The following EHD4 variants were observed in gnomAD, a reference collection of about 807,000 sequenced individuals.
The protein encoded by EHD4 is EH domain-containing protein 4.
A neutral mutation model predicts 51.0 loss-of-function variants in EHD4; 37 were observed. The ratio of observed to expected loss-of-function variants is 0.73; its 90% CI spans 0.56 to 0.95. EHD4 has a LOEUF of 0.95. EHD4 is among the 40% of genes least tolerant of loss of function. EHD4 has a pLI of 0.00. For missense variants in EHD4, 632 were observed against 733.1 expected (o/e 0.86, Z 1.59); for synonymous variants, 297 against 317.3 (o/e 0.94, Z 0.68).
At chr15:41,904,937 C>T (rs142883833) in intron 5 of EHD4, among the ~76,000 whole-genome samples, 2 of 152,266 alleles carry the variant, frequency 1.3e-5, no homozygotes, top group Admixed American at 6.5e-5. Flanking sequence ...AGAATACACT[C>T]TCCTCTCACT....
intron 2 of EHD4, among the ~76,000 whole-genome samples, chr15:41,951,697 G>C (rs1028188868): frequency 6.6e-6 from 1 of 152,148 alleles, no homozygotes; most frequent in Non-Finnish European, 1.5e-5. Context: ...GACAGATCCT[G>C]TGCCTTGAAC....
intron 3 of EHD4, among the ~76,000 whole-genome samples, chr15:41,930,125 T>G (rs1229141551): frequency 3.9e-5 from 6 of 152,204 alleles, no homozygotes; most frequent in African/African-American, 9.7e-5. Context: ...AACTCTATAC[T>G]GAAAGAAACT....
At chr15:41,958,251 C>G (rs572345392) in intron 1 of EHD4, among the ~76,000 whole-genome samples, 1 of 151,970 alleles carries the variant, frequency 6.6e-6, no homozygotes, top group Non-Finnish European at 1.5e-5. Flanking sequence ...GAGAGGCCTG[C>G]CAATTCCAGC....
chr15:41,924,080 G>A (rs183287860), intron 3 of EHD4, among the ~76,000 whole-genome samples: 20 of 152,272 alleles, frequency 1.3e-4, no homozygotes, highest in East Asian at 5.8e-4. Flanking sequence ...TATCCATAAG[G>A]CATTGAGACT....
intron 3 of EHD4, chr15:41,941,832 CG>C (rs2067773657): frequency 6.6e-6 from 1 of 152,164 alleles, no homozygotes; most frequent in Non-Finnish European, 1.5e-5. Context: ...ACCCCTGTCA[CG>C]GGACCCTCAC....
chr15:41,952,277 T>C (rs1249345529), intron 2 of EHD4, among the ~76,000 whole-genome samples: 1 of 152,120 alleles, frequency 6.6e-6, no homozygotes, highest in African/African-American at 2.4e-5. Flanking sequence ...TTTTAAAAAC[T>C]TCTAGAAAGG....
chr15:41,906,141 C>T (rs1210577806), intron 5 of EHD4, among the ~76,000 whole-genome samples: 2 of 152,232 alleles, frequency 1.3e-5, no homozygotes, highest in Non-Finnish European at 2.9e-5. Flanking sequence ...AATCCATGGA[C>T]TGGATTGAGA....
chr15:41,954,435 T>C (rs2067873375), intron 1 of EHD4, among the ~76,000 whole-genome samples: 1 of 152,254 alleles, frequency 6.6e-6, no homozygotes, highest in Admixed American at 6.5e-5. Flanking sequence ...CAACTAACAA[T>C]CTATTTGGTC....
chr15:41,959,450 G>C (rs2067910621), intron 1 of EHD4, among the ~76,000 whole-genome samples: 1 of 145,426 alleles, frequency 6.9e-6, no homozygotes, highest in Admixed American at 6.9e-5. Context: ...TGATAAACGA[G>C]ATCTTAAAAT....
intron 2 of EHD4, among the ~76,000 whole-genome samples, chr15:41,952,464 T>C (rs1397348705): frequency 2.0e-5 from 3 of 151,836 alleles, no homozygotes; most frequent in African/African-American, 7.3e-5. Flanking sequence ...AAAAAAGCAT[T>C]ACACAAACGC....
At position 41,925,109 on chromosome 15, in the gene EHD4, T is replaced by C. The variant is rs544785848; in HGVS notation, c.512-5487A>G. The stretch of plus-strand genomic sequence containing the variant: ...AATCATATGTTATACTTCAACAAAA[T>C]TGACTTAAAAAGCAAAAGTAAATAG... On this transcript the variant is annotated intron_variant, in intron 3 of 5. Transcript: ENST00000220325. Among the ~76,000 whole-genome samples, 17 of 150,112 alleles carry C rather than the reference T, an allele frequency of 1.1e-4. No individual in the cohort carries two copies. The South Asian group carries it at 3.6e-3, about 32-fold the overall frequency.
At chr15:41,923,583 G>A (rs1392504440) in intron 3 of EHD4, among the ~76,000 whole-genome samples, 1 of 152,198 alleles carries the variant, frequency 6.6e-6, no homozygotes, top group African/African-American at 2.4e-5. Context: ...CCCTGGGGCT[G>A]AGCCTGGGGA....
Position 41,964,978 on chromosome 15 carries a change from C to A in EHD4, c.236+7281G>T, listed in dbSNP as rs193009916. ...TTTAGAGATGGGGCTCACCATGTTG[C>A]CCAGGCTGATCTTGAACTCCTGGAG... On this transcript the variant is annotated intron_variant, in intron 1 of 5. Transcript: ENST00000220325. Among the ~76,000 whole-genome samples, 133 of 152,084 alleles carry A rather than the reference C, an allele frequency of 8.7e-4. 1 individual carries two copies. The highest frequency in any genetic ancestry group is 1.2e-3 in the Non-Finnish European group (79 of 67,988).
chr15:41,956,652 A>G (rs1390732875), intron 1 of EHD4, among the ~76,000 whole-genome samples: 3 of 152,224 alleles, frequency 2.0e-5, no homozygotes, highest in African/African-American at 7.2e-5. Flanking sequence ...ACAATAAATC[A>G]TTTTTAAAGT....
intron 2 of EHD4, among the ~76,000 whole-genome samples, chr15:41,952,310 T>A (rs2067857478): frequency 6.6e-6 from 1 of 152,200 alleles, no homozygotes; most frequent in Admixed American, 6.5e-5. Context: ...TCAGCTCTAA[T>A]GCTACTTCCT....
chr15:41,912,386 G>A (rs558379145), intron 4 of EHD4, among the ~76,000 whole-genome samples: 1 of 152,284 alleles, frequency 6.6e-6, no homozygotes, highest in East Asian at 1.9e-4. Flanking sequence ...TCTGTGCACA[G>A]ACCTGCTTTC....
rs145396980 is a variant in EHD4, at chr15:41,901,025, C to T, written c.1246G>A (p.Ala416Thr). The part of the protein sequence containing the change: ...STPTQLVQGG[A>T]FDGTTEGPFN... ...GGGCCCTCGGTGGTGCCATCGAAGGCGCCGCCCTGCACCAGCTGCGTGGGC... is the reference window on the plus strand; with the variant it reads ...GGGCCCTCGGTGGTGCCATCGAAGGTGCCGCCCTGCACCAGCTGCGTGGGC... Residue 416 changes from alanine to threonine, a missense_variant, in exon 6 of 6, where the codon GCC becomes ACC. Ala to Thr is a moderately conservative substitution (Grantham distance 58). Transcript: ENST00000220325. The T allele has an allele frequency of 2.1e-5, 33 of 1,609,392 alleles. No homozygotes were observed. The highest frequency in any genetic ancestry group is 1.6e-4 in the Middle Eastern group (1 of 6,064).
At chr15:41,901,227 G>T (rs763429691) in intron 5 of EHD4, 46 bp from the exon 6 acceptor site, 3 of 1,501,688 alleles carry the variant, frequency 2.0e-6, no homozygotes, top group East Asian at 2.3e-5. Flanking sequence ...GGTCTCTTCA[G>T]GGGGAAACAG....
intron 3 of EHD4, among the ~76,000 whole-genome samples, chr15:41,932,207 AAGTAC>A (rs1220778930): frequency 3.9e-5 from 6 of 152,162 alleles, no homozygotes; most frequent in African/African-American, 1.4e-4. Flanking sequence ...GGCAGCTCCG[AAGTAC>A]AGACATGGAC....
Sources: gnomAD v4.1 joint callset for allele counts (sites outside exome capture counted in the v4.1 genomes callset) on GRCh38, gnomAD v4.1.1 for gene constraint, MANE v1.5 for transcripts, NCBI Gene and HGNC (gene_info 2026-07-23, HGNC 2026-07-21) for gene names.